RILPL2: variants seen among roughly 807,000 people sequenced by gnomAD.
RILPL2 encodes the protein Rab interacting lysosomal protein like 2.
RILPL2 carries 19 observed loss-of-function variants against 22.2 expected under a neutral mutation model. That is an observed-to-expected ratio of 0.86 (90% CI 0.60 to 1.25). The LOEUF is 1.25. Ranked by LOEUF, RILPL2 falls within the 50% of genes most tolerant of loss-of-function variation. RILPL2 has a pLI of 0.00. For missense variants in RILPL2, 243 were observed against 263.6 expected (o/e 0.92, Z 0.54); for synonymous variants, 123 against 111.6 (o/e 1.10, Z -0.64).
In RILPL2 at chr12:123,434,345, G is replaced by A. The variant is rs569055040; in HGVS notation, c.339+1737C>T. ...AAGTGGGAGGACTGCTTGAGCCCAG[G>A]AGTTTGAGGCCTCAGTGAGCTGTGA... is the stretch of plus-strand genomic sequence containing the variant. On this transcript the variant is annotated intron_variant, in intron 1 of 3. Transcript: ENST00000280571. Among the ~76,000 whole-genome samples the A allele has an allele frequency of 5.3e-5, 8 of 152,152 alleles. No individual in the cohort carries two copies. The South Asian group carries it at 1.7e-3, about 32-fold the overall frequency.
intron 3 of RILPL2, among the ~76,000 whole-genome samples, chr12:123,420,648 G>C (rs1287706150): frequency 1.3e-5 from 2 of 150,784 alleles, no homozygotes; most frequent in Non-Finnish European, 2.9e-5. Flanking sequence ...TGTTGGCTAG[G>C]CTGGTCTCGA....
chr12:123,430,666 GAA>G lies in RILPL2; in HGVS notation c.340-9_340-8del, dbSNP rs764923679. 2 of 1,572,228 alleles carry G rather than the reference GAA, an allele frequency of 1.3e-6. No individual in the cohort carries two copies. Among genetic ancestry groups the G allele is most frequent in the African/African-American group, 2.7e-5 (2 of 73,104 alleles). On this transcript the variant is annotated splice_polypyrimidine_tract_variant and splice_region_variant and intron_variant, in intron 1 of 3. Coordinates refer to ENST00000280571, the MANE Select transcript of RILPL2 (RefSeq NM_145058.3). ...TGTTTGGGCCCAGGTTCACCTGGAA[GAA>G]AAGACGCAACCTTTGCAAGCAACTC...
intron 2 of RILPL2, among the ~76,000 whole-genome samples, chr12:123,425,956 C>G (rs1879432717): frequency 6.6e-6 from 1 of 151,864 alleles, no homozygotes; most frequent in Non-Finnish European, 1.5e-5. Flanking sequence ...TCAGCCATTT[C>G]TTAATATTGT....
At position 123,436,071 on chromosome 12, in the gene RILPL2, C is replaced by G. The variant is rs1158355869; in HGVS notation, c.339+11G>C. The stretch of plus-strand genomic sequence containing the variant: ...GCGCCGTGGGCCCGGAACCCTCGCT[C>G]CCACACTCACCTCCCCGCTGGCCGG... On this transcript the variant is annotated intron_variant, in intron 1 of 3. Transcript: ENST00000280571. The surrounding 1 kb of genome is among the most constrained non-coding windows in gnomAD (Gnocchi z 6.7). 9 of 1,564,958 alleles carry G rather than the reference C, an allele frequency of 5.8e-6. No homozygotes were observed. The highest frequency in any genetic ancestry group is 7.8e-6 in the Non-Finnish European group (9 of 1,154,740).
chr12:123,430,626 G>C lies in RILPL2; in HGVS notation c.373C>G (p.Leu125Val). The change falls in exon 2 of 4, where the codon CTG (leucine) becomes GTG (valine). Residue 125 changes from leucine (L) to valine (V), a missense_variant. Physicochemically the swap from Leu to Val is conservative, Grantham distance 32. Transcript: ENST00000280571. ...NLGPNKMVVD[L>V]TDPNRPRFTL... ...AAGCGGGGTCGGTTGGGATCTGTCAGGTCAACCACCATTTTGTTTGGGCCC... is the reference window on the plus strand; with the variant it reads ...AAGCGGGGTCGGTTGGGATCTGTCACGTCAACCACCATTTTGTTTGGGCCC... The C allele has an allele frequency of 2.5e-6, 4 of 1,604,906 alleles. No homozygotes were observed. Among genetic ancestry groups the C allele is most frequent in the Non-Finnish European group, 3.4e-6 (4 of 1,174,300 alleles).
intron 1 of RILPL2, among the ~76,000 whole-genome samples, chr12:123,433,302 T>C (rs1278426747): frequency 6.6e-6 from 1 of 152,128 alleles, no homozygotes; most frequent in Non-Finnish European, 1.5e-5. Context: ...ACACGGGGTA[T>C]GTTGGCCAGG....
chr12:123,422,645 G>A (rs780469678), intron 3 of RILPL2, among the ~76,000 whole-genome samples: 1 of 152,128 alleles, frequency 6.6e-6, no homozygotes, highest in African/African-American at 2.4e-5. Flanking sequence ...GAGATTACAG[G>A]TGTGAGCCAT....
downstream of RILPL2, chr12:123,411,939 G>T (rs1357559507): frequency 6.6e-6 from 1 of 152,166 alleles, no homozygotes; most frequent in African/African-American, 2.4e-5. Flanking sequence ...TGTCAAGCTA[G>T]GCCCATCTCT....
At chr12:123,419,315 G>A (rs902996907) in intron 3 of RILPL2, among the ~76,000 whole-genome samples, 1 of 152,052 alleles carries the variant, frequency 6.6e-6, no homozygotes, top group Non-Finnish European at 1.5e-5. Context: ...GAGCTACTGC[G>A]CCCGGCCTAC....
intron 2 of RILPL2, among the ~76,000 whole-genome samples, chr12:123,424,855 T>A (rs1054708100): frequency 1.1e-4 from 16 of 152,084 alleles, no homozygotes; most frequent in Non-Finnish European, 1.8e-4. Context: ...GTTTTAATTT[T>A]TTTATTTATT....
intron 1 of RILPL2, among the ~76,000 whole-genome samples, chr12:123,431,688 T>C (rs901658545): frequency 1.3e-5 from 2 of 151,408 alleles, no homozygotes; most frequent in Non-Finnish European, 2.9e-5. Context: ...TAGCCAGGCG[T>C]GGTGGCAGGC....
intron 3 of RILPL2, among the ~76,000 whole-genome samples, chr12:123,420,277 G>A (rs1038313142): frequency 2.0e-5 from 3 of 150,868 alleles, no homozygotes; most frequent in East Asian, 2.0e-4. Context: ...CTCCCGCCTC[G>A]GCCTCCCAAA....
At chr12:123,432,365 C>T (rs772539416) in intron 1 of RILPL2, among the ~76,000 whole-genome samples, 1 of 152,032 alleles carries the variant, frequency 6.6e-6, no homozygotes, top group Non-Finnish European at 1.5e-5. Context: ...ATTAGGTGGC[C>T]ATAGTAGCAC....
At chr12:123,414,175 T>C (rs768405547), downstream of RILPL2, 142 of 151,228 alleles carry the variant, frequency 9.4e-4, 1 homozygote, top group Middle Eastern at 3.4e-3. Context: ...GTGGGGCTCG[T>C]GGAGGAGGCT....
chr12:123,423,093 C>A lies in RILPL2; in HGVS notation c.556G>T (p.Ala186Ser). ...TCCTTGTTCCTGCCAGCATTTTTGG[C>A]ACTAGTAACCACAGCATCTTTTTCT... Reference protein sequence around the residue: ...RREKDAVVTSAKNAGRNKEEK... With the variant: ...RREKDAVVTSSKNAGRNKEEK... The change falls in exon 3 of 4, where the codon GCC becomes TCC. Residue 186 changes from alanine (A) to serine (S), a missense_variant. Coordinates refer to ENST00000280571, the MANE Select transcript of RILPL2 (RefSeq NM_145058.3). 6.2e-7 allele frequency: 1 copy of A among 1,613,762 alleles called. No individual in the cohort carries two copies. The highest frequency in any genetic ancestry group is 8.5e-7 in the Non-Finnish European group (1 of 1,179,934).
intron 1 of RILPL2, among the ~76,000 whole-genome samples, chr12:123,433,347 C>T (rs927127180): frequency 6.6e-6 from 1 of 152,188 alleles, no homozygotes; most frequent in Non-Finnish European, 1.5e-5. Context: ...GATCCACCTG[C>T]CTTGGCCTCC....
At chr12:123,435,248 G>C (rs1274107294) in intron 1 of RILPL2, among the ~76,000 whole-genome samples, 2 of 151,738 alleles carry the variant, frequency 1.3e-5, no homozygotes, top group Admixed American at 1.3e-4. Flanking sequence ...TTACATCTGT[G>C]AGATTCATTC....
chr12:123,433,045 C>T (rs927073955), intron 1 of RILPL2, among the ~76,000 whole-genome samples: 1 of 151,518 alleles, frequency 6.6e-6, no homozygotes, highest in African/African-American at 2.4e-5. Context: ...TTCATACTTC[C>T]ATGTGAATTT....
downstream of RILPL2, chr12:123,413,586 G>C (rs1879032280): frequency 6.6e-6 from 1 of 152,274 alleles, no homozygotes; most frequent in South Asian, 2.1e-4. Flanking sequence ...GACCCAAAGA[G>C]TAAGCAGTAG....
Sources: gnomAD v4.1 joint callset for allele counts (sites outside exome capture counted in the v4.1 genomes callset) on GRCh38, gnomAD v4.1.1 for gene constraint, Gnocchi (gnomAD v3.1) non-coding constraint, MANE v1.5 for transcripts, NCBI Gene and HGNC (gene_info 2026-07-23, HGNC 2026-07-21) for gene names.